Variants in STK39 observed in about 807,000 individuals in gnomAD.
STK39 encodes the protein STE20/SPS1-related proline-alanine-rich protein kinase.
A neutral mutation model predicts 77.8 loss-of-function variants in STK39; 20 were observed. That is an observed-to-expected ratio of 0.26 (90% confidence interval 0.18 to 0.37). The LOEUF (loss-of-function observed/expected upper bound fraction) is 0.37, where lower values mean the gene tolerates loss of function less well. Among genes scored for constraint, STK39 ranks in the 10% least tolerant of loss-of-function variants. STK39 has a pLI of 1.00. For synonymous variants in STK39, 246 were observed against 234.1 expected, an observed-to-expected ratio of 1.05 and a Z score of -0.47; for missense variants, 479 against 656.5, an observed-to-expected ratio of 0.73 and a Z score of 2.95.
At chr2:168,206,691 T>A (rs1689751982) in intron 1 of STK39, among the ~76,000 whole-genome samples, 2 of 152,216 alleles carry the variant, frequency 1.3e-5, no homozygotes, top group African/African-American at 4.8e-5. Flanking sequence ...GCATAGTACA[T>A]CCTTTAACAT....
intron 1 of STK39, among the ~76,000 whole-genome samples, chr2:168,236,142 C>T (rs1285988463): frequency 2.6e-5 from 4 of 152,086 alleles, no homozygotes; most frequent in Non-Finnish European, 2.9e-5. Flanking sequence ...TTAATGATCA[C>T]CATTCTAACT....
chr2:168,139,264 C>A (rs1258660407), intron 7 of STK39, among the ~76,000 whole-genome samples: 1 of 152,054 alleles, frequency 6.6e-6, no homozygotes. Context: ...AAGAAAAAAT[C>A]CTTCAGCATT....
chr2:168,126,336 T>A (rs557594086), intron 10 of STK39, among the ~76,000 whole-genome samples: 1 of 151,946 alleles, frequency 6.6e-6, no homozygotes, highest in East Asian at 1.9e-4. Flanking sequence ...ATCAAGACAG[T>A]CTAAGAACAA....
At chr2:168,239,080 T>C (rs1296084436) in intron 1 of STK39, among the ~76,000 whole-genome samples, 1 of 152,268 alleles carries the variant, frequency 6.6e-6, no homozygotes, top group East Asian at 1.9e-4. Context: ...TTATAAGTTA[T>C]AAAAATAGAA....
chr2:168,094,516 T>C (rs1398203393), intron 10 of STK39, among the ~76,000 whole-genome samples: 3 of 152,222 alleles, frequency 2.0e-5, no homozygotes, highest in Non-Finnish European at 4.4e-5. Context: ...TAATTCTGAC[T>C]GTCCAACTTT....
intron 10 of STK39, among the ~76,000 whole-genome samples, chr2:168,123,466 G>A (rs1574483701): frequency 2.0e-5 from 3 of 152,246 alleles, no homozygotes; most frequent in East Asian, 3.9e-4. Context: ...CATTCTGTCT[G>A]CAACCTACTG....
chr2:168,106,982 T>C (rs1686991512), intron 10 of STK39, among the ~76,000 whole-genome samples: 2 of 152,316 alleles, frequency 1.3e-5, no homozygotes, highest in Admixed American at 6.5e-5. Context: ...GTTTTGAAGA[T>C]TGCTATTTTT....
chr2:168,063,674 T>A lies in STK39; in HGVS notation c.1306-104A>T, dbSNP rs1023344139. The A allele has an allele frequency of 9.2e-6, 10 of 1,091,846 alleles. No homozygotes were observed. In the African/African-American group the frequency reaches 9.6e-5, roughly 10 times the overall value. 67.6% of individuals were successfully genotyped at this position (1,091,846 alleles called of 1,614,324 possible). A position where few individuals can be genotyped will look rare whatever the true frequency, so the allele number is the denominator to read the frequency against. ...ATATAGCCATTTCTTTCTGGAAATTTCAAAACTAGATCTTTACACACGCAG... is the reference window on the plus strand; with the variant it reads ...ATATAGCCATTTCTTTCTGGAAATTACAAAACTAGATCTTTACACACGCAG... On this transcript the variant is annotated intron_variant, in intron 13 of 17. Coordinates refer to ENST00000355999, the MANE Select transcript of STK39 (RefSeq NM_013233.3).
intron 2 of STK39, among the ~76,000 whole-genome samples, chr2:168,172,796 C>T (rs1323393781): frequency 1.3e-5 from 2 of 152,186 alleles, no homozygotes; most frequent in African/African-American, 2.4e-5. Flanking sequence ...AAATATCCTA[C>T]TCAAGTACTT....
chr2:167,987,707 T>G (rs192323773), intron 16 of STK39, among the ~76,000 whole-genome samples: 1 of 152,136 alleles, frequency 6.6e-6, no homozygotes, highest in East Asian at 1.9e-4. Context: ...ACCCAAGGAA[T>G]AGCGAAACCT....
intron 1 of STK39, among the ~76,000 whole-genome samples, chr2:168,198,158 T>TCA (rs1230333738): frequency 6.6e-6 from 1 of 152,088 alleles, no homozygotes; most frequent in African/African-American, 2.4e-5. Context: ...CAATCTTTAC[T>TCA]CACACACACA....
At chr2:168,212,408 G>T (rs145967814) in intron 1 of STK39, among the ~76,000 whole-genome samples, 8 of 152,238 alleles carry the variant, frequency 5.3e-5, no homozygotes, top group African/African-American at 1.9e-4. Flanking sequence ...TCATGAAGTT[G>T]TCTGTTCTGA....
intron 12 of STK39, 69 bp from the exon 13 acceptor site, chr2:168,065,450 A>G: frequency 6.7e-7 from 1 of 1,490,230 alleles, no homozygotes; most frequent in Non-Finnish European, 9.4e-7. Context: ...TGGTTACATT[A>G]AGTCCCAATT....
At chr2:168,050,420 AG>A (rs1377576217) in intron 14 of STK39, among the ~76,000 whole-genome samples, 3 of 152,226 alleles carry the variant, frequency 2.0e-5, no homozygotes, top group Non-Finnish European at 4.4e-5. Flanking sequence ...CATGGCAAAA[AG>A]GGATTTGGTA....
chr2:168,001,919 T>C (rs866273146), intron 16 of STK39, among the ~76,000 whole-genome samples: 1 of 152,228 alleles, frequency 6.6e-6, no homozygotes, highest in Non-Finnish European at 1.5e-5. Flanking sequence ...TAAGCCTACT[T>C]TACTTCCACT....
chr2:168,075,053 A>C (rs1686042825), intron 11 of STK39, 42 bp from the exon 12 acceptor site: 1 of 1,613,946 alleles, frequency 6.2e-7, no homozygotes, highest in Admixed American at 1.7e-5. Context: ...ATACACACAC[A>C]CAATCACAAA....
At chr2:167,991,731 G>A (rs1228189849) in intron 16 of STK39, among the ~76,000 whole-genome samples, 2 of 152,182 alleles carry the variant, frequency 1.3e-5, no homozygotes, top group Non-Finnish European at 2.9e-5. Context: ...CACAGTTGGC[G>A]TGGAGTCAAT....
chr2:167,983,415 T>C lies in STK39; in HGVS notation c.1499-18689A>G, dbSNP rs1378406100. On this transcript the variant is annotated intron_variant, in intron 16 of 17. Transcript: ENST00000355999. ...AATCGCTTGAACCCAGATTGCGCCG[T>C]TGCACTCCAGCCTGCGCAACAAGAG... 4.2e-5 allele frequency among the ~76,000 whole-genome samples: 6 copies of C among 143,334 alleles called. No individual in the cohort carries two copies. The South Asian group carries it at 1.1e-3, about 27-fold the overall frequency. The allele number at this position is 143,334 out of a possible 152,430, so 94.0% of individuals were successfully genotyped here. A position where few individuals can be genotyped will look rare whatever the true frequency, so the allele number is the denominator to read the frequency against.
At chr2:168,154,997 T>C (rs1688389322) in intron 5 of STK39, among the ~76,000 whole-genome samples, 1 of 144,174 alleles carries the variant, frequency 6.9e-6, no homozygotes, top group Non-Finnish European at 1.5e-5. Context: ...TTTGGTAATA[T>C]GTGAAATTTA....
Sources: gnomAD v4.1 joint callset for allele counts (sites outside exome capture counted in the v4.1 genomes callset) on GRCh38, gnomAD v4.1.1 for gene constraint, MANE v1.5 for transcripts, NCBI Gene and HGNC (gene_info 2026-07-23, HGNC 2026-07-21) for gene names.